The following DOCK3 variants were observed in gnomAD, a reference collection of about 807,000 sequenced individuals.
The protein encoded by DOCK3 is dedicator of cytokinesis 3.
Under a neutral mutation model 265.6 loss-of-function variants are expected in DOCK3, and 60 were observed. The ratio of observed to expected loss-of-function variants is 0.23; its 90% CI spans 0.18 to 0.28. DOCK3 has a LOEUF of 0.28. DOCK3 is among the 10% of genes least tolerant of loss of function. The pLI is 1.00. For synonymous variants in DOCK3, 881 were observed against 938.0 expected (o/e 0.94, Z 1.11); for missense variants, 1,981 against 2,594.3 (o/e 0.76, Z 5.14).
intron 4 of DOCK3, among the ~76,000 whole-genome samples, chr3:50,921,449 C>G (rs2050460356): frequency 6.6e-6 from 1 of 152,156 alleles, no homozygotes; most frequent in African/African-American, 2.4e-5. Context: ...AGCCATTCGT[C>G]TAATCTTTTT....
chr3:50,768,536 G>A (rs1011940512), intron 1 of DOCK3, among the ~76,000 whole-genome samples: 3 of 152,108 alleles, frequency 2.0e-5, no homozygotes, highest in Non-Finnish European at 2.9e-5. Context: ...ATCAATAAAC[G>A]TAATCCAGCA....
intron 4 of DOCK3, among the ~76,000 whole-genome samples, chr3:50,927,315 G>A (rs1043363781): frequency 2.0e-5 from 3 of 152,168 alleles, no homozygotes; most frequent in Non-Finnish European, 2.9e-5. Flanking sequence ...AGTGGGTACC[G>A]AAATACCGCT....
chr3:51,051,689 G>A (rs889243960), intron 5 of DOCK3, among the ~76,000 whole-genome samples: 5 of 152,142 alleles, frequency 3.3e-5, no homozygotes, highest in African/African-American at 1.2e-4. Context: ...TTGCTGTAAA[G>A]GAATATGTGA....
At chr3:50,930,909 T>C (rs1293799825) in intron 4 of DOCK3, among the ~76,000 whole-genome samples, 1 of 152,176 alleles carries the variant, frequency 6.6e-6, no homozygotes, top group Non-Finnish European at 1.5e-5. Context: ...CCCCAAGCAC[T>C]GCCTCCTCCC....
At chr3:50,865,804 A>T (rs1322941072) in intron 3 of DOCK3, among the ~76,000 whole-genome samples, 7 of 152,236 alleles carry the variant, frequency 4.6e-5, no homozygotes, top group Non-Finnish European at 8.8e-5. Context: ...CCACATCCTC[A>T]TCAGCATTTG....
intron 27 of DOCK3, among the ~76,000 whole-genome samples, chr3:51,297,112 T>G (rs2082124467): frequency 1.2e-5 from 1 of 86,094 alleles, no homozygotes; most frequent in African/African-American, 5.5e-5. Context: ...AGTGAGACTC[T>G]GTCTCAAAAA....
intron 33 of DOCK3, among the ~76,000 whole-genome samples, chr3:51,332,450 A>G (rs1321330092): frequency 1.3e-5 from 2 of 152,184 alleles, no homozygotes; most frequent in African/African-American, 4.8e-5. Context: ...ATTCCCTGTG[A>G]CAGTAGGATG....
intron 5 of DOCK3, among the ~76,000 whole-genome samples, chr3:50,968,086 A>T (rs535133630): frequency 5.9e-5 from 9 of 152,282 alleles, no homozygotes; most frequent in African/African-American, 2.2e-4. Context: ...ATATTTCATT[A>T]TAGTTTTGAT....
At chr3:50,867,817 T>C (rs769174999) in intron 3 of DOCK3, among the ~76,000 whole-genome samples, 3 of 152,164 alleles carry the variant, frequency 2.0e-5, no homozygotes, top group Non-Finnish European at 2.9e-5. Context: ...TATTGTTGAA[T>C]TCATTTTGCT....
intron 9 of DOCK3, among the ~76,000 whole-genome samples, chr3:51,099,547 C>CA (rs113498169): frequency 0.018 from 2,720 of 152,234 alleles, 60 homozygotes; most frequent in African/African-American, 0.045. Context: ...TCTCACATAT[C>CA]AAAAAAATCC....
intron 11 of DOCK3, among the ~76,000 whole-genome samples, chr3:51,160,247 A>G (rs2086063416): frequency 6.6e-6 from 1 of 152,354 alleles, no homozygotes; most frequent in East Asian, 1.9e-4. Context: ...TTATTAGCAC[A>G]CTGGTTTTTC....
At chr3:51,249,162 C>CT (rs1273094902) in intron 22 of DOCK3, among the ~76,000 whole-genome samples, 2 of 13,316 alleles carry the variant, frequency 1.5e-4, no homozygotes, top group Non-Finnish European at 3.6e-4. Context: ...GGGGGGTCAG[C>CT]CCCCCGCCAG....
chr3:51,139,128 G>A (rs2084932724), intron 9 of DOCK3, among the ~76,000 whole-genome samples: 1 of 152,024 alleles, frequency 6.6e-6, no homozygotes, highest in Non-Finnish European at 1.5e-5. Context: ...CAGGTCTCTA[G>A]AAGGGGAAAA....
intron 23 of DOCK3, among the ~76,000 whole-genome samples, chr3:51,270,264 A>G (rs2108869441): frequency 6.6e-6 from 1 of 152,314 alleles, no homozygotes; most frequent in East Asian, 1.9e-4. Flanking sequence ...CTTATGAAGA[A>G]AATAATTTAT....
chr3:51,315,652 C>A (rs772859035), intron 32 of DOCK3, among the ~76,000 whole-genome samples: 32 of 152,104 alleles, frequency 2.1e-4, no homozygotes, highest in Non-Finnish European at 3.7e-4. Context: ...GGAGATGGCC[C>A]CTGCCTTTAT....
chr3:50,863,281 G>A (rs554927655), intron 3 of DOCK3: 8 of 423,308 alleles, frequency 1.9e-5, no homozygotes, highest in South Asian at 5.6e-5. Context: ...CTTATGACAA[G>A]TGCCGAACCT....
intron 32 of DOCK3, among the ~76,000 whole-genome samples, chr3:51,321,531 C>G (rs554226443): frequency 6.6e-6 from 1 of 152,204 alleles, no homozygotes; most frequent in South Asian, 2.1e-4. Flanking sequence ...CAAACTCCTC[C>G]AAGCTAAAGG....
intron 38 of DOCK3, among the ~76,000 whole-genome samples, chr3:51,344,950 A>C (rs913424360): frequency 1.3e-5 from 2 of 152,202 alleles, no homozygotes; most frequent in Non-Finnish European, 2.9e-5. Flanking sequence ...AGATGCCGGC[A>C]AGATAGATGA....
At chr3:50,896,500 A>G (rs1394035424) in intron 4 of DOCK3, among the ~76,000 whole-genome samples, 1 of 151,918 alleles carries the variant, frequency 6.6e-6, no homozygotes, top group East Asian at 1.9e-4. Flanking sequence ...ATTAGACACC[A>G]TTTGTCATTT....
Sources: gnomAD v4.1 joint callset for allele counts (sites outside exome capture counted in the v4.1 genomes callset) on GRCh38, gnomAD v4.1.1 for gene constraint, MANE v1.5 for transcripts, NCBI Gene and HGNC (gene_info 2026-07-23, HGNC 2026-07-21) for gene names.